Variants in FAM193A observed in about 807,000 individuals in gnomAD.
The protein encoded by FAM193A is family with sequence similarity 193 member A.
Under a neutral mutation model 126.5 loss-of-function variants are expected in FAM193A, and 22 were observed. The observed-to-expected ratio is 0.17, with a 90% CI of 0.12 to 0.25. The LOEUF is 0.25. Ranked by LOEUF, FAM193A falls within the 10% of genes least tolerant of loss-of-function variation. FAM193A has a pLI of 1.00. For synonymous variants in FAM193A, 761 were observed against 646.8 expected (o/e 1.18, Z -2.68); for missense variants, 1,675 against 1,672.8 (o/e 1.00, Z -0.02).
intron 1 of FAM193A, among the ~76,000 whole-genome samples, chr4:2,580,558 GGTCTTCATGAAT>G (rs1196697761): frequency 6.6e-6 from 1 of 152,094 alleles, no homozygotes; most frequent in Non-Finnish European, 1.5e-5. Context: ...CATGGAGGTG[GGTCTTCATGAAT>G]GACTTCATGA....
intron 1 of FAM193A, among the ~76,000 whole-genome samples, chr4:2,575,870 A>G (rs1208470496): frequency 1.3e-5 from 2 of 152,074 alleles, no homozygotes; most frequent in African/African-American, 2.4e-5. Flanking sequence ...GGTGGACACT[A>G]TCTTCCCTAA....
chr4:2,612,650 T>C (rs904292553), intron 2 of FAM193A, among the ~76,000 whole-genome samples: 10 of 152,234 alleles, frequency 6.6e-5, no homozygotes, highest in Non-Finnish European at 1.0e-4. Context: ...CATACTGATA[T>C]CCAGTTGTTC....
intron 1 of FAM193A, among the ~76,000 whole-genome samples, chr4:2,547,874 C>G (rs1737664603): frequency 6.6e-6 from 1 of 151,532 alleles, no homozygotes; most frequent in African/African-American, 2.4e-5. Flanking sequence ...ATCTGCCCAC[C>G]TTGGCCTCCC....
At chr4:2,718,855 G>A (rs1321405168) in intron 20 of FAM193A, among the ~76,000 whole-genome samples, 1 of 152,088 alleles carries the variant, frequency 6.6e-6, no homozygotes, top group Non-Finnish European at 1.5e-5. Flanking sequence ...ACTATGAAAT[G>A]CAAAATCAAC....
At chr4:2,661,741 T>C (rs1712472519) in intron 10 of FAM193A, among the ~76,000 whole-genome samples, 1 of 152,202 alleles carries the variant, frequency 6.6e-6, no homozygotes, top group South Asian at 2.1e-4. Flanking sequence ...TGGAGGTTGC[T>C]GTGTGCCCAG....
chr4:2,639,904 A>C lies in FAM193A; in HGVS notation c.1163+45A>C, dbSNP rs375753785. Reference sequence around the variant, plus strand: ...ATGTGTCTTTGTGGTGTGACAGCACAGTCTTTTCTCCTGACTGGTGTGCGT... The same window carrying C: ...ATGTGTCTTTGTGGTGTGACAGCACCGTCTTTTCTCCTGACTGGTGTGCGT... On this transcript the variant is annotated intron_variant, in intron 6 of 20. Coordinates refer to ENST00000637812, the MANE Select transcript of FAM193A (RefSeq NM_001366318.2). The C allele has an allele frequency of 1.9e-6, 3 of 1,592,754 alleles. No individual in the cohort carries two copies. In the African/African-American group the frequency reaches 4.0e-5, roughly 21 times the overall value.
intron 13 of FAM193A, among the ~76,000 whole-genome samples, chr4:2,681,973 T>G (rs112273681): frequency 6.8e-5 from 9 of 132,320 alleles, no homozygotes; most frequent in African/African-American, 1.9e-4. Flanking sequence ...CTTCTCAGGG[T>G]TTTTTTTTTT....
intron 15 of FAM193A, among the ~76,000 whole-genome samples, chr4:2,691,378 G>C (rs1048373205): frequency 1.3e-5 from 2 of 152,174 alleles, no homozygotes; most frequent in African/African-American, 4.8e-5. Flanking sequence ...ACCACGCACG[G>C]CTAATTTCTG....
chr4:2,719,078 T>G (rs751162541), intron 20 of FAM193A, among the ~76,000 whole-genome samples: 1 of 152,324 alleles, frequency 6.6e-6, no homozygotes, highest in Non-Finnish European at 1.5e-5. Context: ...TACTCCCTAC[T>G]TTGTTTTATG....
chr4:2,685,985 GT>G (rs1715696596), intron 13 of FAM193A, among the ~76,000 whole-genome samples: 3 of 152,172 alleles, frequency 2.0e-5, no homozygotes, highest in African/African-American at 7.2e-5. Flanking sequence ...TGAAATTGGT[GT>G]TCTGATTCAA....
In FAM193A at chr4:2,667,684, T is replaced by C. The variant is rs1033385050; in HGVS notation, c.2079+4396T>C. Reference sequence around the variant, plus strand: ...TTCAGTTTCTTTGTGTCTTTGAATCTAAAATTTGTCTAACATCTTTTAGTT... The same window carrying C: ...TTCAGTTTCTTTGTGTCTTTGAATCCAAAATTTGTCTAACATCTTTTAGTT... On this transcript the variant is annotated intron_variant, in intron 12 of 20. Coordinates refer to ENST00000637812, the MANE Select transcript of FAM193A (RefSeq NM_001366318.2). 3.9e-5 allele frequency among the ~76,000 whole-genome samples: 6 copies of C among 152,216 alleles called. 1 individual carries two copies. Among genetic ancestry groups the C allele is most frequent in the Admixed American group, 2.0e-4 (3 of 15,280 alleles).
At chr4:2,554,667 G>A (rs1409333066) in intron 1 of FAM193A, among the ~76,000 whole-genome samples, 1 of 152,110 alleles carries the variant, frequency 6.6e-6, no homozygotes, top group East Asian at 1.9e-4. Context: ...TGCTGAAAGA[G>A]GAATGTTGAA....
chr4:2,601,989 C>A (rs758596258), intron 2 of FAM193A, among the ~76,000 whole-genome samples: 1 of 151,924 alleles, frequency 6.6e-6, no homozygotes, highest in Non-Finnish European at 1.5e-5. Context: ...CAGGCATGTA[C>A]CACCGTGCCC....
chr4:2,575,384 G>A (rs975990053), intron 1 of FAM193A, among the ~76,000 whole-genome samples: 4 of 152,114 alleles, frequency 2.6e-5, no homozygotes, highest in African/African-American at 9.7e-5. Flanking sequence ...ACTTCATAGG[G>A]AAATCGTTTT....
chr4:2,625,968 C>T (rs1481396876), intron 3 of FAM193A, among the ~76,000 whole-genome samples: 1 of 152,134 alleles, frequency 6.6e-6, no homozygotes, highest in Non-Finnish European at 1.5e-5. Flanking sequence ...AAACGATTAG[C>T]CCGTCTTCAC....
chr4:2,730,638 C>T (rs956308290), intron 20 of FAM193A, among the ~76,000 whole-genome samples: 2 of 150,756 alleles, frequency 1.3e-5, no homozygotes, highest in African/African-American at 2.4e-5. Context: ...TGCAGTGAAC[C>T]GAGATCACGC....
intron 6 of FAM193A, among the ~76,000 whole-genome samples, chr4:2,644,017 C>G (rs1046130835): frequency 1.3e-5 from 2 of 152,178 alleles, no homozygotes; most frequent in Non-Finnish European, 2.9e-5. Flanking sequence ...GGTAACATTA[C>G]AGTAAGCATA....
At chr4:2,696,691 T>C in intron 18 of FAM193A, 98 bp downstream of exon 18, 2 of 890,424 alleles carry the variant, frequency 2.2e-6, no homozygotes, top group Non-Finnish European at 3.5e-6. Context: ...CCACAGGAGG[T>C]CGGGGCTCTG....
At chr4:2,549,008 G>A (rs746660233) in intron 1 of FAM193A, among the ~76,000 whole-genome samples, 31 of 151,488 alleles carry the variant, frequency 2.0e-4, no homozygotes, top group African/African-American at 6.3e-4. Context: ...GTGTGATCTC[G>A]ACTCACTGCA....
Sources: gnomAD v4.1 joint callset for allele counts (sites outside exome capture counted in the v4.1 genomes callset) on GRCh38, gnomAD v4.1.1 for gene constraint, MANE v1.5 for transcripts, NCBI Gene and HGNC (gene_info 2026-07-23, HGNC 2026-07-21) for gene names.